The following SPTAN1 variants were observed in gnomAD, a reference collection of about 807,000 sequenced individuals.
The protein encoded by SPTAN1 is spectrin alpha, non-erythrocytic 1.
A neutral mutation model predicts 331.3 loss-of-function variants in SPTAN1; 61 were observed. That is an observed-to-expected ratio of 0.18 (90% CI 0.15 to 0.23). SPTAN1 has a LOEUF of 0.23. Ranked by LOEUF, SPTAN1 falls within the 10% of genes least tolerant of loss-of-function variation. The pLI, the probability that SPTAN1 is intolerant of heterozygous loss-of-function variation, is 1.00. For missense variants in SPTAN1, 2,043 were observed against 3,147.9 expected, an observed-to-expected ratio of 0.65 and a Z score of 8.40; for synonymous variants, 1,153 against 1,173.9, an observed-to-expected ratio of 0.98 and a Z score of 0.36.
intron 19 of SPTAN1, 134 bp downstream of exon 19, chr9:128,586,099 C>A: frequency 1.2e-4 from 73 of 585,422 alleles, no homozygotes; most frequent in Non-Finnish European, 1.8e-4. Flanking sequence ...TTTTGGAATC[C>A]ATTTTTCACT....
chr9:128,604,192 C>T (rs912973670), intron 28 of SPTAN1, 134 bp from the exon 29 acceptor site: 2 of 917,840 alleles, frequency 2.2e-6, no homozygotes, highest in African/African-American at 1.6e-5. Context: ...CTAATTTATT[C>T]AGCGAGGAAG....
chr9:128,566,874 G>T lies in SPTAN1; in HGVS notation c.134G>T (p.Arg45Leu). Residue 45 changes from arginine (R) to leucine (L), a missense_variant, in exon 2 of 57, where the codon CGA becomes CTA. Around this residue, in one of 12 missense-constraint regions of SPTAN1, gnomAD observed 1,038 missense variants for 1,531.5 expected, o/e 0.68. Transcript: ENST00000372739. ...LRRQKLEDSY[R>L]FQFFQRDAEE... ...CGTCAGAAGCTGGAAGATTCCTATC[G>T]ATTCCAGTTCTTTCAAAGAGATGCT... The T allele has an allele frequency of 6.2e-7, 1 of 1,614,190 alleles. No individual in the cohort carries two copies. Among genetic ancestry groups the T allele is most frequent in the South Asian group, 1.1e-5 (1 of 91,074 alleles).
intron 9 of SPTAN1, among the ~76,000 whole-genome samples, chr9:128,578,799 C>T (rs960354976): frequency 1.3e-5 from 2 of 149,666 alleles, no homozygotes; most frequent in Admixed American, 6.7e-5. Flanking sequence ...ATTCCACTCC[C>T]GTCCGGACAA....
chr9:128,584,976 A>T, intron 18 of SPTAN1, 133 bp downstream of exon 18: 1 of 1,021,058 alleles, frequency 9.8e-7, no homozygotes. Flanking sequence ...TCCTAACTGT[A>T]TGACCTGACC....
In SPTAN1 at chr9:128,591,504, C is replaced by T. The variant is rs1853518494; in HGVS notation, c.3034C>T (p.Arg1012Cys). Residue 1012 changes from arginine (R) to cysteine (C), a missense_variant, in exon 22 of 57, where the codon CGT becomes TGT. By Grantham distance (180) the Arg-to-Cys change is radical. Around this residue, in one of 12 missense-constraint regions of SPTAN1, gnomAD observed 1,038 missense variants for 1,531.5 expected, o/e 0.68. Transcript: ENST00000372739. The part of the protein sequence containing the change: ...KDWWKVEVND[R>C]QGFVPAAYVK... ...TTGGTGGAAAGTGGAAGTGAACGAT[C>T]GTCAGGGTTTTGTGCCGGCTGCGTA... 6.2e-7 allele frequency: 1 copy of T among 1,614,136 alleles called. No homozygotes were observed. The highest frequency in any genetic ancestry group is 1.1e-5 in the South Asian group (1 of 91,082).
rs1442195111 is a variant in SPTAN1, at chr9:128,624,343, G to A, written c.5848G>A (p.Glu1950Lys). The change falls in exon 46 of 57, where the codon GAG (glutamate) becomes AAG (lysine). Residue 1950 changes from glutamate to lysine, a missense_variant. Coordinates refer to ENST00000372739, the MANE Select transcript of SPTAN1 (RefSeq NM_001130438.3). ...DLIKKNNHHE[E>K]NISSKMKGLN... ...CATGGCCTAGAACAATCACCATGAG[G>A]AGAACATCTCTTCAAAGATGAAGGG... 1.2e-6 allele frequency: 2 copies of A among 1,613,958 alleles called. No individual in the cohort carries two copies.
At chr9:128,570,989 A>G (rs539262247) in intron 3 of SPTAN1, among the ~76,000 whole-genome samples, 6 of 152,280 alleles carry the variant, frequency 3.9e-5, no homozygotes, top group South Asian at 2.1e-4. Context: ...AACATTAACA[A>G]TACTGTTAAC....
At chr9:128,622,765 A>T (rs532282547) in intron 45 of SPTAN1, among the ~76,000 whole-genome samples, 108 of 150,254 alleles carry the variant, frequency 7.2e-4, no homozygotes, top group East Asian at 1.8e-3. Context: ...TTATTTATTT[A>T]TTTTTTAGAC....
At position 128,561,662 on chromosome 9, in the gene SPTAN1, CAAAAAAAA is replaced by C. The variant is rs762156669; in HGVS notation, c.-3-5057_-3-5050del. 2.4e-3 allele frequency among the ~76,000 whole-genome samples: 38 copies of C among 15,986 alleles called. 1 individual carries two copies. The South Asian group carries it at 0.024, about 10-fold the overall frequency. The allele number at this position is 15,986 out of a possible 152,430, so 10.5% of individuals were successfully genotyped here. ...TGGGCAACAGAGCGAGACTCCGTCTCAAAAAAAAAAAAAAAAAAAAAAAAAAGAATATG... is the reference window on the plus strand; with the variant it reads ...TGGGCAACAGAGCGAGACTCCGTCTCAAAAAAAAAAAAAAAAAAGAATATG... On this transcript the variant is annotated intron_variant, in intron 1 of 56. Coordinates refer to ENST00000372739, the MANE Select transcript of SPTAN1 (RefSeq NM_001130438.3).
chr9:128,630,740 G>T (rs1048918805), intron 52 of SPTAN1: 1 of 287,772 alleles, frequency 3.5e-6, no homozygotes, highest in African/African-American at 2.2e-5. Flanking sequence ...TTTCACTCTT[G>T]TTGCCCAGGC....
Position 128,625,728 on chromosome 9 carries a change from C to T in SPTAN1, c.6070-41C>T. ...AGCCTAGGAAGAGCAAGTTCCAGTC[C>T]TGTGGAGTCACCACAAATTGGCTTG... On this transcript the variant is annotated intron_variant, in intron 47 of 56. Transcript: ENST00000372739. The surrounding 1 kb of genome is among the most constrained non-coding windows in gnomAD (Gnocchi z 4.1). 1 of 1,588,292 alleles carries T rather than the reference C, an allele frequency of 6.3e-7. No individual in the cohort carries two copies. The highest frequency in any genetic ancestry group is 8.6e-7 in the Non-Finnish European group (1 of 1,158,578).
Position 128,600,312 on chromosome 9 carries a change from G to A in SPTAN1, c.3579+197G>A, listed in dbSNP as rs3814531. Among the ~76,000 whole-genome samples the A allele has an allele frequency of 2.8e-3, 426 of 152,304 alleles. 9 individuals carry two copies. In the East Asian group the frequency reaches 0.04, roughly 14 times the overall value. On this transcript the variant is annotated intron_variant, in intron 27 of 56. Coordinates refer to ENST00000372739, the MANE Select transcript of SPTAN1 (RefSeq NM_001130438.3). Reference sequence around the variant, plus strand: ...TACAAAAGCAGAGTGTCTGTCAAATGCTCAGTACAGTTAGGTTGCATTGAT... The same window carrying A: ...TACAAAAGCAGAGTGTCTGTCAAATACTCAGTACAGTTAGGTTGCATTGAT...
intron 23 of SPTAN1, chr9:128,593,309 G>A: frequency 3.7e-6 from 2 of 539,164 alleles, no homozygotes; most frequent in East Asian, 3.4e-5. Context: ...TTTTTGTGGT[G>A]GACCAGCCAC....
rs189759548 is a variant in SPTAN1, at chr9:128,593,708, T to C, written c.3216-467T>C. The C allele has an allele frequency of 3.1e-5, 7 of 225,194 alleles. No individual in the cohort carries two copies. In the East Asian group the frequency reaches 5.9e-4, roughly 19 times the overall value. The allele number at this position is 225,194 out of a possible 1,614,324, so 13.9% of individuals were successfully genotyped here. ...ACTAATATGGAGATAAAACATCCTA[T>C]ATGAGGATATTTTAAAGCTCAGTGT... On this transcript the variant is annotated intron_variant, in intron 23 of 56. Transcript: ENST00000372739.
At chr9:128,618,193 G>A (rs1564298607) in intron 43 of SPTAN1, 85 bp downstream of exon 43, 1 of 1,578,810 alleles carries the variant, frequency 6.3e-7, no homozygotes, top group Non-Finnish European at 8.6e-7. Context: ...GGTCCAGTGG[G>A]CCCTCCTACT....
At chr9:128,579,806 A>C (rs752934340) in intron 10 of SPTAN1, 68 bp downstream of exon 10, 18 of 1,257,530 alleles carry the variant, frequency 1.4e-5, no homozygotes, top group Non-Finnish European at 2.1e-5. Flanking sequence ...GAAAGCTATT[A>C]TTCATCCTTA....
At chr9:128,558,544 T>C (rs1848923032) in intron 1 of SPTAN1, among the ~76,000 whole-genome samples, 2 of 152,302 alleles carry the variant, frequency 1.3e-5, no homozygotes, top group South Asian at 4.1e-4. Context: ...GTCGTCTCTG[T>C]TGTGGTTTTT....
chr9:128,562,762 A>G (rs1849523170), intron 1 of SPTAN1, among the ~76,000 whole-genome samples: 1 of 151,842 alleles, frequency 6.6e-6, no homozygotes, highest in Non-Finnish European at 1.5e-5. Flanking sequence ...CAGGAGATCG[A>G]GACCATCCTG....
chr9:128,562,230 G>C (rs1206189123), intron 1 of SPTAN1, among the ~76,000 whole-genome samples: 1 of 152,136 alleles, frequency 6.6e-6, no homozygotes, highest in Non-Finnish European at 1.5e-5. Flanking sequence ...AGCCTCCCGA[G>C]TAGCTGGGGC....
Sources: allele counts gnomAD v4.1 joint callset (sites outside exome capture counted in the v4.1 genomes callset), GRCh38; gene constraint gnomAD v4.1.1; regional missense constraint gnomAD v4.1.1; non-coding constraint Gnocchi (gnomAD v3.1); transcripts MANE v1.5; gene names NCBI Gene and HGNC (gene_info 2026-07-23, HGNC 2026-07-21).